ARID1A: variants seen among roughly 807,000 people sequenced by gnomAD.
ARID1A encodes the protein AT-rich interaction domain 1A, also known as AT-rich interactive domain-containing protein 1A.
A neutral mutation model predicts 212.6 loss-of-function variants in ARID1A; 20 were observed. The ratio of observed to expected loss-of-function variants is 0.09; its 90% CI spans 0.07 to 0.14. ARID1A has a LOEUF of 0.14. Ranked by LOEUF, ARID1A falls within the 10% of genes least tolerant of loss-of-function variation. The pLI, the probability that ARID1A is intolerant of heterozygous loss-of-function variation, is 1.00. For missense variants in ARID1A, 2,587 were observed against 3,059.0 expected, an observed-to-expected ratio of 0.85 and a Z score of 3.64; for synonymous variants, 1,376 against 1,222.1, an observed-to-expected ratio of 1.13 and a Z score of -2.63.
At position 26,697,431 on chromosome 1, in the gene ARID1A, C is replaced by T. The variant is rs1254848718; in HGVS notation, c.1028C>T (p.Ala343Val). ...ASQCWGAAAA[A>V]AAAAAASGGA... ...CAGTGTTGGGGGGCTGCGGCGGCGGCAGCTGCGGCGGCGGCCGCCTCGGGA... is the reference window on the plus strand; with the variant it reads ...CAGTGTTGGGGGGCTGCGGCGGCGGTAGCTGCGGCGGCGGCCGCCTCGGGA... The change falls in exon 1 of 20, where the codon GCA becomes GTA. Residue 343 changes from alanine to valine, a missense_variant. Coordinates refer to ENST00000324856, the MANE Select transcript of ARID1A (RefSeq NM_006015.6). 1.5e-6 allele frequency: 2 copies of T among 1,350,920 alleles called. No homozygotes were observed. The highest frequency in any genetic ancestry group is 1.9e-6 in the Non-Finnish European group (2 of 1,062,286). The allele number at this position is 1,350,920 out of a possible 1,614,324, so 83.7% of individuals were successfully genotyped here.
chr1:26,697,129 C>CGCGGCG lies in ARID1A; in HGVS notation c.732_737dup (p.Ala246_Ala247dup). 3 of 1,437,374 alleles carry CGCGGCG rather than the reference C, an allele frequency of 2.1e-6. No individual in the cohort carries two copies. Among genetic ancestry groups the CGCGGCG allele is most frequent in the Non-Finnish European group, 2.7e-6 (3 of 1,099,768 alleles). 89.0% of individuals were successfully genotyped at this position (1,437,374 alleles called of 1,614,324 possible). ...CGAGAGGTGGCACTCCGGGCTCCGG[C>CGCGGCG]GCGGCGGCGGCTGCCGGCTCCAAGC... On this transcript the variant is annotated inframe_insertion, in exon 1 of 20. Transcript: ENST00000324856.
At chr1:26,720,846 G>A (rs1038326635) in intron 1 of ARID1A, among the ~76,000 whole-genome samples, 1 of 151,580 alleles carries the variant, frequency 6.6e-6, no homozygotes, top group Admixed American at 6.6e-5. Flanking sequence ...TCCAGCCGGG[G>A]TGACAGATTG....
intron 1 of ARID1A, among the ~76,000 whole-genome samples, chr1:26,704,652 C>T (rs188938529): frequency 6.6e-6 from 1 of 152,064 alleles, no homozygotes; most frequent in Non-Finnish European, 1.5e-5. Context: ...AAGCCCAGGA[C>T]CAGCCTTGGG....
rs2124145436 is a variant in ARID1A, at chr1:26,779,957, A to G, written c.6059A>G (p.Lys2020Arg). 1 of 1,614,202 alleles carries G rather than the reference A, an allele frequency of 6.2e-7. No individual in the cohort carries two copies. Among genetic ancestry groups the G allele is most frequent in the Non-Finnish European group, 8.5e-7 (1 of 1,180,028 alleles). ...ILGKLILLHH[K>R]HPERKQAPLT... is the part of the protein sequence containing the mutation. ...GGCAAGCTGATCCTGCTGCACCACA[A>G]GCACCCAGAACGGAAGCAGGCACCA... The change falls in exon 20 of 20, where the codon AAG becomes AGG. Residue 2020 changes from lysine (K) to arginine (R), a missense_variant. By Grantham distance (26) the Lys-to-Arg change is conservative. Coordinates refer to ENST00000324856, the MANE Select transcript of ARID1A (RefSeq NM_006015.6).
At chr1:26,733,354 C>T (rs1570577711) in intron 4 of ARID1A, among the ~76,000 whole-genome samples, 1 of 152,122 alleles carries the variant, frequency 6.6e-6, no homozygotes, top group East Asian at 1.9e-4. Context: ...TATCCTGAGA[C>T]AGGCAGTATA....
In ARID1A at chr1:26,696,147, A is replaced by C; in HGVS notation, c.-257A>C. 4.2e-6 allele frequency: 2 copies of C among 480,630 alleles called. No homozygotes were observed. Among genetic ancestry groups the C allele is most frequent in the Non-Finnish European group, 5.9e-6 (2 of 336,570 alleles). 29.8% of individuals were successfully genotyped at this position (480,630 alleles called of 1,614,324 possible). A position where few individuals can be genotyped will look rare whatever the true frequency, so the allele number is the denominator to read the frequency against. ...GCCGGGAGAGCCGGGTCCCGAGCCT[A>C]CAGAGCCGGGAGCAGCTGAGCCGCC... On this transcript the variant is annotated 5_prime_UTR_variant, in exon 1 of 20. Coordinates refer to ENST00000324856, the MANE Select transcript of ARID1A (RefSeq NM_006015.6).
intron 19 of ARID1A, among the ~76,000 whole-genome samples, chr1:26,777,121 G>A (rs1290818606): frequency 6.6e-6 from 1 of 152,114 alleles, no homozygotes; most frequent in Non-Finnish European, 1.5e-5. Flanking sequence ...CTGGAGTGTA[G>A]TAGTGCCCTC....
chr1:26,741,719 G>A (rs2080789991), intron 4 of ARID1A, among the ~76,000 whole-genome samples: 2 of 152,200 alleles, frequency 1.3e-5, no homozygotes, highest in Non-Finnish European at 2.9e-5. Context: ...ATCGATATCA[G>A]GAGGGAGGTG....
chr1:26,699,771 G>A (rs1328052676), intron 1 of ARID1A, among the ~76,000 whole-genome samples: 1 of 152,122 alleles, frequency 6.6e-6, no homozygotes, highest in African/African-American at 2.4e-5. Context: ...TAAGTCATTT[G>A]GGGTAGTAAG....
At chr1:26,759,762 T>TA (rs1442811447) in intron 4 of ARID1A, among the ~76,000 whole-genome samples, 2 of 152,138 alleles carry the variant, frequency 1.3e-5, no homozygotes, top group Non-Finnish European at 2.9e-5. Context: ...TACAAACAAA[T>TA]ACCAAGTTCT....
At chr1:26,762,861 A>C in intron 7 of ARID1A, 112 bp from the exon 8 acceptor site, 1 of 1,086,802 alleles carries the variant, frequency 9.2e-7, no homozygotes, top group East Asian at 2.7e-5. Flanking sequence ...CATGAAGTTG[A>C]TCTCTTTCCT....
At chr1:26,731,626 C>T (rs1570576196) in intron 3 of ARID1A, 22 bp downstream of exon 3, 2 of 1,607,212 alleles carry the variant, frequency 1.2e-6, no homozygotes, top group Non-Finnish European at 1.7e-6. Context: ...CTGCCTCCTG[C>T]CCTTCCCTGT....
chr1:26,780,136 A>G lies in ARID1A; in HGVS notation c.6238A>G (p.Ile2080Val), dbSNP rs1317341560. Residue 2080 changes from isoleucine to valine, a missense_variant, in exon 20 of 20, where the codon ATT becomes GTT. Ile to Val is a conservative substitution (Grantham distance 29). Transcript: ENST00000324856. This position sits in a 1 kb window ranked among gnomAD's most constrained non-coding sequence, Gnocchi z 7.2. ...QLDLSPYPES[I>V]CLPVLDGLLH... Reference sequence around the variant, plus strand: ...GGACCTATCTCCATACCCCGAGAGCATTTGCCTGCCTGTCCTGGACGGACT... The same window carrying G: ...GGACCTATCTCCATACCCCGAGAGCGTTTGCCTGCCTGTCCTGGACGGACT... 1 of 1,614,084 alleles carries G rather than the reference A, an allele frequency of 6.2e-7. No individual in the cohort carries two copies. Among genetic ancestry groups the G allele is most frequent in the Non-Finnish European group, 8.5e-7 (1 of 1,180,004 alleles).
intron 4 of ARID1A, among the ~76,000 whole-genome samples, chr1:26,747,336 C>T (rs1354086003): frequency 2.6e-5 from 4 of 152,182 alleles, no homozygotes; most frequent in Non-Finnish European, 5.9e-5. Flanking sequence ...AGCTTCCTTC[C>T]CATTTGACCT....
intron 4 of ARID1A, among the ~76,000 whole-genome samples, chr1:26,743,716 C>G (rs2124804656): frequency 6.8e-6 from 1 of 147,468 alleles, no homozygotes. Flanking sequence ...CCTGTAGTCC[C>G]AGCTACTCGG....
Position 26,731,877 on chromosome 1 carries a change from T to TTTTTA in ARID1A, c.1803+298_1803+302dup, listed in dbSNP as rs536029374. Among the ~76,000 whole-genome samples, 1,374 of 152,222 alleles carry TTTTTA rather than the reference T, an allele frequency of 9.0e-3. 8 individuals carry two copies. The highest frequency in any genetic ancestry group is 0.011 in the African/African-American group (461 of 41,510). ...GAAATTAAAGATAATGGGACTGGTT[T>TTTTTA]TTTTATTTTATTTTATTTTATTTTA... On this transcript the variant is annotated intron_variant, in intron 3 of 19. Transcript: ENST00000324856.
chr1:26,780,086 C>T lies in ARID1A; in HGVS notation c.6188C>T (p.Thr2063Ile), dbSNP rs1316245568. Residue 2063 changes from threonine to isoleucine, a missense_variant, in exon 20 of 20, where the codon ACA (threonine) becomes ATA (isoleucine). By Grantham distance (89) the Thr-to-Ile change is moderately conservative. Around this residue, in one of 11 missense-constraint regions of ARID1A, gnomAD observed 168 missense variants for 321.0 expected, o/e 0.52. Coordinates refer to ENST00000324856, the MANE Select transcript of ARID1A (RefSeq NM_006015.6). This position sits in a 1 kb window ranked among gnomAD's most constrained non-coding sequence, Gnocchi z 7.2. ...ATGCTCCGGGAAAACACCTTGGTTA[C>T]ACTCGCCAACATCTCGGGGCAGTTG... is the stretch of plus-strand genomic sequence containing the variant. ...LEMLRENTLV[T>I]LANISGQLDL... 4 of 1,614,170 alleles carry T rather than the reference C, an allele frequency of 2.5e-6. No homozygotes were observed. The highest frequency in any genetic ancestry group is 3.4e-6 in the Non-Finnish European group (4 of 1,180,028).
At chr1:26,697,878 C>A (rs1469992699) in intron 1 of ARID1A, among the ~76,000 whole-genome samples, 1 of 151,822 alleles carries the variant, frequency 6.6e-6, no homozygotes, top group South Asian at 2.1e-4. Context: ...GCTGGGGGCT[C>A]AGGTTAGGAG....
chr1:26,729,338 TC>T (rs1320107233), intron 1 of ARID1A: 9 of 386,416 alleles, frequency 2.3e-5, no homozygotes, highest in Non-Finnish European at 3.9e-5. Context: ...AGCACCGTCC[TC>T]TACCAACTGA....
Sources: gnomAD v4.1 joint callset for allele counts (sites outside exome capture counted in the v4.1 genomes callset) on GRCh38, gnomAD v4.1.1 for gene constraint, gnomAD v4.1.1 regional missense constraint, Gnocchi (gnomAD v3.1) non-coding constraint, MANE v1.5 for transcripts, NCBI Gene and HGNC (gene_info 2026-07-23, HGNC 2026-07-21) for gene names.